SNX19: variants seen among roughly 807,000 people sequenced by gnomAD.
The protein encoded by SNX19 is sorting nexin 19.
SNX19 carries 60 observed loss-of-function variants against 85.2 expected under a neutral mutation model. The observed-to-expected ratio is 0.70, with a 90% CI of 0.57 to 0.87. The LOEUF is 0.87. SNX19 is among the 40% of genes least tolerant of loss of function. The probability of loss-of-function intolerance (pLI) is 0.00; values close to 1 mark genes in which losing one functional copy is unlikely to be tolerated. For synonymous variants in SNX19, 520 were observed against 470.0 expected (o/e 1.11, Z -1.38); for missense variants, 1,201 against 1,217.8 (o/e 0.99, Z 0.21).
chr11:130,893,119 A>G (rs1324650102), intron 8 of SNX19: 1 of 152,100 alleles, frequency 6.6e-6, no homozygotes, highest in East Asian at 1.9e-4. Flanking sequence ...TCACAGGGAG[A>G]TCTCCCTGTT....
rs534137044 is a variant in SNX19 at position 130,903,749 on chromosome 11, A to G, written c.2444-365T>C. Among the ~76,000 whole-genome samples, 5 of 142,238 alleles carry G rather than the reference A, an allele frequency of 3.5e-5. 1 individual carries two copies. The highest frequency in any genetic ancestry group is 2.4e-4 in the South Asian group (1 of 4,254). The allele number at this position is 142,238 out of a possible 152,430, so 93.3% of individuals were successfully genotyped here. A position where few individuals can be genotyped will look rare whatever the true frequency, so the allele number is the denominator to read the frequency against. ...CACACACACACACACACACACACAC[A>G]CGCACTTATTTTGCCTACTTAGTTT... is the stretch of plus-strand genomic sequence containing the variant. On this transcript the variant is annotated intron_variant, in intron 7 of 10. Transcript: ENST00000265909.
rs752728951 is a variant in SNX19, at chr11:130,915,148, G to C, written c.792C>G (p.Leu264=). 3 of 1,614,008 alleles carry C rather than the reference G, an allele frequency of 1.9e-6. No individual in the cohort carries two copies. In the Admixed American group the frequency reaches 5.0e-5, roughly 27 times the overall value. The change falls in exon 1 of 11, where the codon CTC becomes CTG. Residue 264 remains leucine (L), a synonymous_variant. Transcript: ENST00000265909. ...LSDPDWIHLV[L]VGIFSKARDP... Reference sequence around the variant, plus strand: ...CTCTGGCCTTGGAAAAGATACCCACGAGTACAAGGTGGATCCAGTCAGGAT... The same window carrying C: ...CTCTGGCCTTGGAAAAGATACCCACCAGTACAAGGTGGATCCAGTCAGGAT...
At position 130,894,122 on chromosome 11, in the gene SNX19, A is replaced by G. The variant is rs3794141; in HGVS notation, c.2573+9133T>C. ...GGGCTATTCAGCACTGACAATCTCCATCTTAGTGAATACATAATGTATAAG... is the reference window on the plus strand; with the variant it reads ...GGGCTATTCAGCACTGACAATCTCCGTCTTAGTGAATACATAATGTATAAG... On this transcript the variant is annotated intron_variant, in intron 8 of 10. Transcript: ENST00000265909. Among the ~76,000 whole-genome samples the G allele has an allele frequency of 2.2e-3, 336 of 152,312 alleles. 8 individuals are homozygous for G. The East Asian group carries it at 0.051, about 23-fold the overall frequency.
In SNX19 at chr11:130,877,397, A is replaced by G. The variant is rs1168772972; in HGVS notation, c.*1025T>C. Reference sequence around the variant, plus strand: ...ATTATAACCGTAAGGAATGGGAAATAAGAAGCTATTCCTTGTAAGTTTGCT... The same window carrying G: ...ATTATAACCGTAAGGAATGGGAAATGAGAAGCTATTCCTTGTAAGTTTGCT... On this transcript the variant is annotated 3_prime_UTR_variant, in exon 11 of 11. Transcript: ENST00000265909. 4 of 152,216 alleles carry G rather than the reference A, an allele frequency of 2.6e-5. No individual in the cohort carries two copies. The highest frequency in any genetic ancestry group is 5.9e-5 in the Non-Finnish European group (4 of 68,036). 9.4% of individuals were successfully genotyped at this position (152,216 alleles called of 1,614,324 possible).
In SNX19 at chr11:130,914,970, C is replaced by G; in HGVS notation, c.970G>C (p.Gly324Arg). 2 of 1,614,168 alleles carry G rather than the reference C, an allele frequency of 1.2e-6. No homozygotes were observed. Among genetic ancestry groups the G allele is most frequent in the East Asian group, 4.5e-5 (2 of 44,880 alleles). The stretch of plus-strand genomic sequence containing the variant: ...CCTTCTTCAACCTCTGGAGAGGGGC[C>G]TGCAGAACCCTCTGGCTCACTGTAA... The part of the protein sequence containing the change: ...LSYSEPEGSA[G>R]PSPEVEEGHE... The change falls in exon 1 of 11, where the codon GGC (glycine) becomes CGC (arginine). Residue 324 changes from glycine to arginine, a missense_variant. Transcript: ENST00000265909.
At chr11:130,899,517 TCAAA>T (rs1301304468) in intron 8 of SNX19, among the ~76,000 whole-genome samples, 1 of 152,228 alleles carries the variant, frequency 6.6e-6, no homozygotes, top group Non-Finnish European at 1.5e-5. Context: ...ATGAATGGCC[TCAAA>T]CAGAGAAGTA....
chr11:130,904,958 TCA>T lies in SNX19; in HGVS notation c.2443+993_2443+994del, dbSNP rs528916650. 4.1e-3 allele frequency among the ~76,000 whole-genome samples: 629 copies of T among 152,330 alleles called. 3 individuals carry two copies. The highest frequency in any genetic ancestry group is 0.01 in the Middle Eastern group (3 of 294). ...GGGATGGGGCTGTCAACCCCATTTT[TCA>T]CAGACTTAAATTGAGGCCCTCAGAA... is the stretch of plus-strand genomic sequence containing the variant. On this transcript the variant is annotated intron_variant, in intron 7 of 10. Transcript: ENST00000265909.
chr11:130,910,264 G>A lies in SNX19; in HGVS notation c.1914+6C>T, dbSNP rs1342501129. The A allele has an allele frequency of 6.2e-7, 1 of 1,613,168 alleles. No individual in the cohort carries two copies. Among genetic ancestry groups the A allele is most frequent in the East Asian group, 2.2e-5 (1 of 44,868 alleles). On this transcript the variant is annotated splice_donor_region_variant and intron_variant, in intron 3 of 10. Transcript: ENST00000265909. Reference sequence around the variant, plus strand: ...GAGAACAAGGCCAAAAGAGAAGGATGCTGACCTTTAGGAATGATTCTAGGA... The same window carrying A: ...GAGAACAAGGCCAAAAGAGAAGGATACTGACCTTTAGGAATGATTCTAGGA...
In SNX19 at chr11:130,914,982, C is replaced by G. The variant is rs1186657242; in HGVS notation, c.958G>C (p.Glu320Gln). 1 of 1,614,090 alleles carries G rather than the reference C, an allele frequency of 6.2e-7. No homozygotes were observed. Among genetic ancestry groups the G allele is most frequent in the Non-Finnish European group, 8.5e-7 (1 of 1,180,022 alleles). Residue 320 changes from glutamate to glutamine, a missense_variant, in exon 1 of 11, where the codon GAG (glutamate) becomes CAG (glutamine). Physicochemically the swap from Glu to Gln is conservative, Grantham distance 29. Around this residue, in one of 3 missense-constraint regions of SNX19, gnomAD observed 791 missense variants for 750.9 expected, o/e 1.05. Transcript: ENST00000265909. ...APVFLSYSEP[E>Q]GSAGPSPEVE... Reference sequence around the variant, plus strand: ...TCTGGAGAGGGGCCTGCAGAACCCTCTGGCTCACTGTAACTTAGGAATACT... The same window carrying G: ...TCTGGAGAGGGGCCTGCAGAACCCTGTGGCTCACTGTAACTTAGGAATACT...
rs1425423230 is a variant in SNX19 at position 130,910,122 on chromosome 11, G to C, written c.1930C>G (p.Pro644Ala). The change falls in exon 4 of 11, where the codon CCG (proline) becomes GCG (alanine). Residue 644 changes from proline to alanine, a missense_variant. Around this residue, in one of 3 missense-constraint regions of SNX19, gnomAD observed 125 missense variants for 171.6 expected, o/e 0.73. Coordinates refer to ENST00000265909, the MANE Select transcript of SNX19 (RefSeq NM_014758.3). ...ESFLKQLCAIPEIANSEEVQE... is the reference protein window; with the variant it reads ...ESFLKQLCAIAEIANSEEVQE... ...ACCTCCTCACTGTTAGCGATCTCCG[G>C]AATGGCACAGAGTTGCTGCAAAAGT... is the stretch of plus-strand genomic sequence containing the variant. 4 of 1,614,140 alleles carry C rather than the reference G, an allele frequency of 2.5e-6. No individual in the cohort carries two copies. Among genetic ancestry groups the C allele is most frequent in the Non-Finnish European group, 3.4e-6 (4 of 1,180,022 alleles).
chr11:130,894,510 T>C (rs959148732), intron 8 of SNX19, among the ~76,000 whole-genome samples: 2 of 152,306 alleles, frequency 1.3e-5, no homozygotes, highest in South Asian at 4.1e-4. Context: ...TTCAATATAC[T>C]GTATCAACAT....
In SNX19 at chr11:130,915,012, C is replaced by A; in HGVS notation, c.928G>T (p.Ala310Ser). The A allele has an allele frequency of 1.2e-6, 2 of 1,614,190 alleles. No individual in the cohort carries two copies. Among genetic ancestry groups the A allele is most frequent in the Non-Finnish European group, 1.7e-6 (2 of 1,180,024 alleles). Residue 310 changes from alanine (A) to serine (S), a missense_variant, in exon 1 of 11, where the codon GCC becomes TCC. This residue lies in a region of SNX19 where 791 missense variants were observed against 750.9 expected (regional missense o/e 1.05). Transcript: ENST00000265909. ...TCACTGTAACTTAGGAATACTGGGG[C>A]TGCTACTGGAGAAGCTCTCCCTTCT... is the stretch of plus-strand genomic sequence containing the variant. ...LPEGRASPVA[A>S]PVFLSYSEPE...
Position 130,915,409 on chromosome 11 carries a change from T to C in SNX19, c.531A>G (p.Ala177=), listed in dbSNP as rs3751034. The C allele has an allele frequency of 0.19, 306,667 of 1,613,692 alleles. 30,611 individuals carry two copies. Among genetic ancestry groups the C allele is most frequent in the Middle Eastern group, 0.21 (1,212 of 5,872 alleles). Residue 177 remains alanine (A), a synonymous_variant, in exon 1 of 11, where the codon GCA becomes GCG. Coordinates refer to ENST00000265909, the MANE Select transcript of SNX19 (RefSeq NM_014758.3). Reference sequence around the variant, plus strand: ...AAGGCTCAACTGGACCATTCTTCCCTGCAGTGGCCTCCTTTGCCTGAATGT... The same window carrying C: ...AAGGCTCAACTGGACCATTCTTCCCCGCAGTGGCCTCCTTTGCCTGAATGT... ...QSYIQAKEAT[A]GKNGPVEPSH...
At chr11:130,880,209 G>A (rs1342147284) in intron 9 of SNX19, among the ~76,000 whole-genome samples, 2 of 152,194 alleles carry the variant, frequency 1.3e-5, no homozygotes, top group African/African-American at 4.8e-5. Context: ...GAGCTTCTGT[G>A]AGACATGTGA....
chr11:130,908,622 C>G (rs563426502), intron 4 of SNX19, among the ~76,000 whole-genome samples: 76 of 152,318 alleles, frequency 5.0e-4, no homozygotes, highest in African/African-American at 1.7e-3. Flanking sequence ...AACAATTTCT[C>G]TTCTTTAGGT....
Position 130,872,134 on chromosome 11 carries a change from C to T in SNX19, c.*6288G>A, listed in dbSNP as rs1943050348. On this transcript the variant is annotated 3_prime_UTR_variant, in exon 11 of 11. Coordinates refer to ENST00000265909, the MANE Select transcript of SNX19 (RefSeq NM_014758.3). ...GAAGACAGGTGGAAAAACCAGGTTT[C>T]ATCAAGCTGTTGAAGAGACATCAAA... is the stretch of plus-strand genomic sequence containing the variant. Among the ~76,000 whole-genome samples, 1 of 152,186 alleles carries T rather than the reference C, an allele frequency of 6.6e-6. No homozygotes were observed. The highest frequency in any genetic ancestry group is 1.5e-5 in the Non-Finnish European group (1 of 68,044).
At chr11:130,878,801 CAT>C (rs1943435364) in intron 10 of SNX19, among the ~76,000 whole-genome samples, 1 of 152,192 alleles carries the variant, frequency 6.6e-6, no homozygotes, top group Non-Finnish European at 1.5e-5. Context: ...TTTCTCTTTA[CAT>C]AGTTACATTA....
intron 8 of SNX19, chr11:130,894,958 G>C: frequency 1.0e-6 from 1 of 985,422 alleles, no homozygotes; most frequent in Non-Finnish European, 1.2e-6. Context: ...AACAGACAAA[G>C]GAAGTTAAGT....
At chr11:130,911,549 G>A (rs1207087206) in intron 2 of SNX19, 84 bp downstream of exon 2, 67 of 1,587,284 alleles carry the variant, frequency 4.2e-5, no homozygotes, top group Admixed American at 1.7e-4. Flanking sequence ...TCTCCTCCCC[G>A]ATCCCTCCCA....
Sources: allele counts gnomAD v4.1 joint callset (sites outside exome capture counted in the v4.1 genomes callset), GRCh38; gene constraint gnomAD v4.1.1; regional missense constraint gnomAD v4.1.1; transcripts MANE v1.5; gene names NCBI Gene and HGNC (gene_info 2026-07-23, HGNC 2026-07-21).